The following OR9Q1 variants were observed in gnomAD, a reference collection of about 807,000 sequenced individuals.
The protein encoded by OR9Q1 is olfactory receptor 9Q1.
For synonymous variants in OR9Q1, 153 were observed against 148.6 expected, an observed-to-expected ratio of 1.03 and a Z score of -0.22; for missense variants, 374 against 378.8, an observed-to-expected ratio of 0.99 and a Z score of 0.11.
intron 2 of OR9Q1, among the ~76,000 whole-genome samples, chr11:58,172,360 C>G (rs1377572106): frequency 6.6e-6 from 1 of 152,108 alleles, no homozygotes. Flanking sequence ...GTTATAAACT[C>G]TACGATGTCA....
chr11:58,129,216 A>T (rs1224941318), intron 2 of OR9Q1, among the ~76,000 whole-genome samples: 2 of 149,312 alleles, frequency 1.3e-5, no homozygotes, highest in Admixed American at 6.7e-5. Context: ...ACCAACCACA[A>T]AGGGCCAGGC....
intron 2 of OR9Q1, among the ~76,000 whole-genome samples, chr11:58,103,079 C>A (rs111980755): frequency 2.6e-3 from 402 of 152,132 alleles, no homozygotes; most frequent in African/African-American, 9.1e-3. Flanking sequence ...AAGGGCATAC[C>A]TGAGACTGGA....
At chr11:58,103,555 A>G (rs1321019882) in intron 2 of OR9Q1, among the ~76,000 whole-genome samples, 1 of 152,050 alleles carries the variant, frequency 6.6e-6, no homozygotes, top group East Asian at 1.9e-4. Flanking sequence ...TTTCACGAAG[A>G]TTAATATTTT....
chr11:58,126,376 T>G (rs185434241), intron 2 of OR9Q1, among the ~76,000 whole-genome samples: 9 of 152,354 alleles, frequency 5.9e-5, no homozygotes, highest in South Asian at 2.1e-4. Flanking sequence ...GTAGAACCTC[T>G]CTGTGTCCTA....
chr11:58,156,829 G>A (rs189162111), intron 2 of OR9Q1, among the ~76,000 whole-genome samples: 1 of 152,244 alleles, frequency 6.6e-6, no homozygotes, highest in East Asian at 1.9e-4. Flanking sequence ...GGATAGTAGA[G>A]CCCTTTGCTA....
At position 58,133,064 on chromosome 11, in the gene OR9Q1, C is replaced by A. The variant is rs145863387; in HGVS notation, c.-14-46367C>A. 2.9e-3 allele frequency among the ~76,000 whole-genome samples: 440 copies of A among 152,260 alleles called. 3 individuals are homozygous for A. Among genetic ancestry groups the A allele is most frequent in the African/African-American group, 0.01 (426 of 41,556 alleles). On this transcript the variant is annotated intron_variant, in intron 2 of 2. Coordinates refer to ENST00000335397, the MANE Select transcript of OR9Q1 (RefSeq NM_001005212.4). ...GACACCACATTCTACCTGCGCTCAG[C>A]CCAGCCTTCCAGACTGGGGAAGGAC...
intron 2 of OR9Q1, chr11:58,077,501 G>A (rs2443423): frequency 0.93 from 141,209 of 152,190 alleles, 65,771 homozygotes; most frequent in South Asian, 0.97. Flanking sequence ...TTTATCTGAG[G>A]TACTTCACAT....
At chr11:58,058,113 G>C (rs529414870) in intron 2 of OR9Q1, among the ~76,000 whole-genome samples, 3 of 152,190 alleles carry the variant, frequency 2.0e-5, no homozygotes, top group East Asian at 1.9e-4. Flanking sequence ...ACTGGGAAAG[G>C]CTTCTTGGCC....
At chr11:58,072,525 A>G (rs1412867741) in intron 2 of OR9Q1, 2 of 157,628 alleles carry the variant, frequency 1.3e-5, no homozygotes, top group Admixed American at 6.4e-5. Context: ...ATTTCTTCAC[A>G]TTTTCTGTTG....
chr11:58,042,776 T>G (rs985116859), intron 1 of OR9Q1, among the ~76,000 whole-genome samples: 23 of 152,178 alleles, frequency 1.5e-4, no homozygotes, highest in Admixed American at 4.6e-4. Context: ...TCCTACCCAT[T>G]AGCATGGAAT....
At chr11:58,158,695 G>A (rs919743604) in intron 2 of OR9Q1, among the ~76,000 whole-genome samples, 2 of 152,166 alleles carry the variant, frequency 1.3e-5, no homozygotes, top group South Asian at 2.1e-4. Context: ...GAGGCCACCT[G>A]ACTCAAGATG....
rs1167334451 is a variant in OR9Q1, at chr11:58,058,152, G to A, written c.-15+2205G>A. ...CACCTGAGAAAGCCTGGCTTCCCAT[G>A]CATTGGCATACGTGCCTCCCAGGAA... On this transcript the variant is annotated intron_variant, in intron 2 of 2. Transcript: ENST00000335397. 2.0e-5 allele frequency among the ~76,000 whole-genome samples: 3 copies of A among 152,226 alleles called. No individual in the cohort carries two copies. In the South Asian group the frequency reaches 6.2e-4, roughly 32 times the overall value.
In OR9Q1 at chr11:58,133,781, G is replaced by A. The variant is rs530191585; in HGVS notation, c.-14-45650G>A. On this transcript the variant is annotated intron_variant, in intron 2 of 2. Coordinates refer to ENST00000335397, the MANE Select transcript of OR9Q1 (RefSeq NM_001005212.4). ...GCAGGTGTTGGGAATGATTCAGCATGACGCCATTGACGTTATAGAGAGAGC... is the reference window on the plus strand; with the variant it reads ...GCAGGTGTTGGGAATGATTCAGCATAACGCCATTGACGTTATAGAGAGAGC... 1.2e-4 allele frequency among the ~76,000 whole-genome samples: 18 copies of A among 152,348 alleles called. No individual in the cohort carries two copies. The South Asian group carries it at 3.7e-3, about 32-fold the overall frequency.
At chr11:58,165,452 T>C (rs1032603223) in intron 2 of OR9Q1, among the ~76,000 whole-genome samples, 2 of 152,224 alleles carry the variant, frequency 1.3e-5, no homozygotes, top group Non-Finnish European at 2.9e-5. Context: ...ATAAATTCTG[T>C]AGACATTTAC....
intron 2 of OR9Q1, among the ~76,000 whole-genome samples, chr11:58,155,934 G>A (rs1176930631): frequency 4.5e-5 from 2 of 44,512 alleles, no homozygotes; most frequent in Admixed American, 4.9e-4. Flanking sequence ...TTTTTTTTTT[G>A]AGATAGACTT....
chr11:58,101,795 G>A lies in OR9Q1; in HGVS notation c.-15+45848G>A, dbSNP rs143555174. Among the ~76,000 whole-genome samples, 8 of 152,178 alleles carry A rather than the reference G, an allele frequency of 5.3e-5. No individual in the cohort carries two copies. In the East Asian group the frequency reaches 1.5e-3, roughly 29 times the overall value. On this transcript the variant is annotated intron_variant, in intron 2 of 2. Coordinates refer to ENST00000335397, the MANE Select transcript of OR9Q1 (RefSeq NM_001005212.4). ...GAGTTTCATTCTTGTTGCCCAGGCTGGAGTGCAATGGCACAATCTCAGCTC... is the reference window on the plus strand; with the variant it reads ...GAGTTTCATTCTTGTTGCCCAGGCTAGAGTGCAATGGCACAATCTCAGCTC...
At chr11:58,062,387 G>A (rs999243499) in intron 2 of OR9Q1, among the ~76,000 whole-genome samples, 2 of 152,184 alleles carry the variant, frequency 1.3e-5, no homozygotes, top group Non-Finnish European at 2.9e-5. Flanking sequence ...ATCTAGGAGA[G>A]AGACTCCCTT....
rs3085869 is a variant in OR9Q1 at position 58,104,349 on chromosome 11, G to GT, written c.-15+48416dup. Among the ~76,000 whole-genome samples the GT allele has an allele frequency of 4.6e-3, 676 of 146,142 alleles. 4 individuals are homozygous for GT. The highest frequency in any genetic ancestry group is 0.01 in the African/African-American group (403 of 39,718). The stretch of plus-strand genomic sequence containing the variant: ...AAGGCCAATTCTCAGTTGGATGGTA[G>GT]TTTTTTTTTTTTTTAATGTAAAACA... On this transcript the variant is annotated intron_variant, in intron 2 of 2. Transcript: ENST00000335397.
rs145024707 is a variant in OR9Q1, at chr11:58,105,567, G to A, written c.-15+49620G>A. On this transcript the variant is annotated intron_variant, in intron 2 of 2. Transcript: ENST00000335397. The stretch of plus-strand genomic sequence containing the variant: ...TTACAAAACTTTATTGTTAACTATA[G>A]GCTCTAGGTTGTGCAGTAGATCTCT... 1.8e-4 allele frequency among the ~76,000 whole-genome samples: 27 copies of A among 152,136 alleles called. No homozygotes were observed. In the East Asian group the frequency reaches 3.7e-3, roughly 21 times the overall value.
Sources: allele counts gnomAD v4.1 joint callset (sites outside exome capture counted in the v4.1 genomes callset), GRCh38; gene constraint gnomAD v4.1.1; transcripts MANE v1.5; gene names NCBI Gene and HGNC (gene_info 2026-07-23, HGNC 2026-07-21).